The following PKNOX1 variants were observed in gnomAD, a reference collection of about 807,000 sequenced individuals.
PKNOX1 encodes the protein homeobox protein PKNOX1.
Under a neutral mutation model 51.9 loss-of-function variants are expected in PKNOX1, and 15 were observed. The ratio of observed to expected loss-of-function variants is 0.29; its 90% confidence interval spans 0.19 to 0.45. The LOEUF is 0.45. Ranked by LOEUF, PKNOX1 falls within the 20% of genes least tolerant of loss-of-function variation. The pLI, the probability that PKNOX1 is intolerant of heterozygous loss-of-function variation, is 1.00. For synonymous variants in PKNOX1, 219 were observed against 211.1 expected, an observed-to-expected ratio of 1.04 and a Z score of -0.32; for missense variants, 462 against 547.5, an observed-to-expected ratio of 0.84 and a Z score of 1.56.
intron 1 of PKNOX1, among the ~76,000 whole-genome samples, chr21:42,989,175 G>A (rs2059072945): frequency 6.6e-6 from 1 of 151,274 alleles, no homozygotes; most frequent in African/African-American, 2.4e-5. Context: ...TTTTGATAAA[G>A]GGTCTCACTA....
At chr21:43,015,433 C>G (rs772482507) in intron 5 of PKNOX1, among the ~76,000 whole-genome samples, 1 of 152,162 alleles carries the variant, frequency 6.6e-6, no homozygotes, top group Middle Eastern at 3.2e-3. Context: ...GAATAAACTC[C>G]ACTTGGCCAT....
At chr21:42,981,420 A>G (rs1400627365) in intron 1 of PKNOX1, among the ~76,000 whole-genome samples, 1 of 152,256 alleles carries the variant, frequency 6.6e-6, no homozygotes, top group East Asian at 1.9e-4. Context: ...CATAGAAGGC[A>G]GTGTGGTAAT....
intron 1 of PKNOX1, among the ~76,000 whole-genome samples, chr21:42,985,987 CGAGGCTCTGTCTCAGA>C (rs1291029865): frequency 8.3e-6 from 1 of 121,200 alleles, no homozygotes; most frequent in African/African-American, 3.2e-5. Flanking sequence ...GGCAACAGAG[CGAGGCTCTGTCTCAGA>C]AAAAAAAAAA....
intron 1 of PKNOX1, among the ~76,000 whole-genome samples, chr21:42,994,364 G>A (rs373500841): frequency 0.018 from 7 of 380 alleles, no homozygotes; most frequent in South Asian, 0.14. Context: ...TTTAGTAGAG[G>A]CGGGGTTTCA....
intron 1 of PKNOX1, among the ~76,000 whole-genome samples, chr21:42,984,409 A>G (rs1310347044): frequency 6.6e-6 from 1 of 150,920 alleles, no homozygotes; most frequent in Non-Finnish European, 1.5e-5. Flanking sequence ...TTTTTTTGAG[A>G]CAGAGTTTTG....
chr21:43,029,622 G>T (rs553655125), intron 10 of PKNOX1, among the ~76,000 whole-genome samples: 1 of 151,306 alleles, frequency 6.6e-6, no homozygotes, highest in South Asian at 2.1e-4. Flanking sequence ...TAGTAGAGAC[G>T]GGGTTTCACC....
Position 43,021,729 on chromosome 21 carries a change from G to A in PKNOX1, c.849+298G>A, listed in dbSNP as rs1182053900. On this transcript the variant is annotated intron_variant, in intron 8 of 10. Coordinates refer to ENST00000291547, the MANE Select transcript of PKNOX1 (RefSeq NM_004571.5). This position sits in a 1 kb window ranked among gnomAD's most constrained non-coding sequence, Gnocchi z 4.6. Reference sequence around the variant, plus strand: ...GAGCCAGAAAAGTGGGCAGAGAAGGGATGTTCTTGGGCAGCAGCTGGGGAA... The same window carrying A: ...GAGCCAGAAAAGTGGGCAGAGAAGGAATGTTCTTGGGCAGCAGCTGGGGAA... 1.3e-5 allele frequency among the ~76,000 whole-genome samples: 2 copies of A among 152,218 alleles called. No homozygotes were observed. The highest frequency in any genetic ancestry group is 2.9e-5 in the Non-Finnish European group (2 of 68,030).
chr21:43,002,694 C>G (rs1978816480), intron 1 of PKNOX1, among the ~76,000 whole-genome samples: 1 of 152,140 alleles, frequency 6.6e-6, no homozygotes, highest in African/African-American at 2.4e-5. Flanking sequence ...GCTGTTCTCA[C>G]TGGACTCCTT....
intron 4 of PKNOX1, among the ~76,000 whole-genome samples, chr21:43,011,629 C>T (rs1399642795): frequency 1.3e-5 from 2 of 152,218 alleles, no homozygotes; most frequent in Non-Finnish European, 2.9e-5. Flanking sequence ...AAAGATCCGG[C>T]ATCAGGGAAC....
chr21:42,993,574 A>G (rs1167971168), intron 1 of PKNOX1, among the ~76,000 whole-genome samples: 1 of 150,672 alleles, frequency 6.6e-6, no homozygotes, highest in Non-Finnish European at 1.5e-5. Flanking sequence ...GCATTTAAAA[A>G]GCCCTGGCAA....
At chr21:43,025,824 A>C (rs1979962012) in intron 9 of PKNOX1, among the ~76,000 whole-genome samples, 2 of 152,226 alleles carry the variant, frequency 1.3e-5, no homozygotes, top group African/African-American at 4.8e-5. Context: ...TTCCAGCAAG[A>C]AAGTCTTTGT....
rs573644926 is a variant in PKNOX1, at chr21:43,032,476, G to A, written c.*2375G>A. On this transcript the variant is annotated 3_prime_UTR_variant, in exon 11 of 11. Coordinates refer to ENST00000291547, the MANE Select transcript of PKNOX1 (RefSeq NM_004571.5). ...GAATTTAAGAGTGCTGCCCCTGCCC[G>A]GCGCAGTAGGGCGTGCCTCTAGTTC... 16 of 263,444 alleles carry A rather than the reference G, an allele frequency of 6.1e-5. 1 individual carries two copies. The highest frequency in any genetic ancestry group is 2.0e-4 in the African/African-American group (9 of 45,392). The allele number at this position is 263,444 out of a possible 1,614,324, so 16.3% of individuals were successfully genotyped here.
intron 1 of PKNOX1, among the ~76,000 whole-genome samples, chr21:42,994,762 CA>C (rs921663500): frequency 1.3e-5 from 2 of 152,246 alleles, no homozygotes; most frequent in African/African-American, 4.8e-5. Flanking sequence ...AGCTTTATCA[CA>C]CCATCAAAAT....
Position 43,010,162 on chromosome 21 carries a change from G to A in PKNOX1, c.289G>A (p.Val97Ile). 1.2e-6 allele frequency: 2 copies of A among 1,605,940 alleles called. No individual in the cohort carries two copies. Among genetic ancestry groups the A allele is most frequent in the Non-Finnish European group, 1.7e-6 (2 of 1,174,656 alleles). ...TTTTGATGTAGACATCGAAAATTTT[G>A]TAAGAAAGCAAGAGAAGGAAGGGAA... ...ASFDVDIENF[V>I]RKQEKEGKPF... is the part of the protein sequence containing the mutation. Residue 97 changes from valine (V) to isoleucine (I), a missense_variant, in exon 4 of 11, where the codon GTA (valine) becomes ATA (isoleucine). Around this residue, in one of 5 missense-constraint regions of PKNOX1, gnomAD observed 129 missense variants for 133.4 expected, o/e 0.97. Transcript: ENST00000291547.
At chr21:42,982,709 C>T (rs2059032818) in intron 1 of PKNOX1, among the ~76,000 whole-genome samples, 1 of 110,780 alleles carries the variant, frequency 9.0e-6, no homozygotes, top group African/African-American at 3.6e-5. Context: ...CCAGCCTGGG[C>T]AACAAGAGCG....
intron 2 of PKNOX1, among the ~76,000 whole-genome samples, chr21:43,006,357 C>T (rs897600882): frequency 6.6e-6 from 1 of 152,170 alleles, no homozygotes; most frequent in African/African-American, 2.4e-5. Flanking sequence ...AACCCCTGAC[C>T]TCAGGTGATC....
chr21:43,008,097 A>ACACACAC (rs1568897484), intron 3 of PKNOX1, among the ~76,000 whole-genome samples: 3 of 151,384 alleles, frequency 2.0e-5, no homozygotes, highest in South Asian at 4.2e-4. Flanking sequence ...ACACACACAC[A>ACACACAC]AAGATGTTAT....
intron 10 of PKNOX1, among the ~76,000 whole-genome samples, chr21:43,029,226 C>T (rs576448296): frequency 6.6e-6 from 1 of 152,108 alleles, no homozygotes; most frequent in Non-Finnish European, 1.5e-5. Context: ...ACCCCGTTCT[C>T]ACCACGTGGC....
intron 1 of PKNOX1, among the ~76,000 whole-genome samples, chr21:43,003,082 G>A (rs987397186): frequency 1.3e-5 from 2 of 152,210 alleles, no homozygotes; most frequent in Non-Finnish European, 2.9e-5. Context: ...GACTTGGACA[G>A]GATTTCTTTC....
Sources: allele counts gnomAD v4.1 joint callset (sites outside exome capture counted in the v4.1 genomes callset), GRCh38; gene constraint gnomAD v4.1.1; regional missense constraint gnomAD v4.1.1; non-coding constraint Gnocchi (gnomAD v3.1); transcripts MANE v1.5; gene names NCBI Gene and HGNC (gene_info 2026-07-23, HGNC 2026-07-21).